Variants in CEP350 observed in about 807,000 individuals in gnomAD.
The protein encoded by CEP350 is centrosome-associated protein 350.
A neutral mutation model predicts 331.8 loss-of-function variants in CEP350; 126 were observed. That is an observed-to-expected ratio of 0.38 (90% CI 0.33 to 0.44). The LOEUF (loss-of-function observed/expected upper bound fraction) is 0.44, where lower values mean the gene tolerates loss of function less well. Ranked by LOEUF, CEP350 falls within the 20% of genes least tolerant of loss-of-function variation. The pLI is 1.00. For missense variants in CEP350, 3,406 were observed against 3,634.6 expected, an observed-to-expected ratio of 0.94 and a Z score of 1.62; for synonymous variants, 1,200 against 1,259.5, an observed-to-expected ratio of 0.95 and a Z score of 1.00.
intron 7 of CEP350, 139 bp from the exon 8 acceptor site, chr1:180,006,315 G>T: frequency 5.1e-6 from 3 of 590,732 alleles, no homozygotes; most frequent in Non-Finnish European, 3.1e-6. Context: ...TATTATGTGG[G>T]CCATAGAAGT....
rs1396962308 is a variant in CEP350, at chr1:180,013,086, G to A, written c.1394-761G>A. Among the ~76,000 whole-genome samples the A allele has an allele frequency of 7.9e-4, 120 of 152,036 alleles. 1 individual carries two copies. Among genetic ancestry groups the A allele is most frequent in the Non-Finnish European group, 1.0e-4 (7 of 67,980 alleles). ...AAAGGAATCATTATATTCTTCATAT[G>A]TTTCTTGCTAACCTTTGCACATTTT... On this transcript the variant is annotated intron_variant, in intron 9 of 37. Transcript: ENST00000367607.
At position 180,043,014 on chromosome 1, in the gene CEP350, C is replaced by T. The variant is rs374010214; in HGVS notation, c.4363-42C>T. Reference sequence around the variant, plus strand: ...GCTCCTTCTCAGTTCTCTGACCTTACGTTTTAATACATTTGCCTTTCTTGT... The same window carrying T: ...GCTCCTTCTCAGTTCTCTGACCTTATGTTTTAATACATTTGCCTTTCTTGT... On this transcript the variant is annotated intron_variant, in intron 19 of 37. Transcript: ENST00000367607. 4.2e-5 allele frequency: 67 copies of T among 1,581,934 alleles called. 1 individual carries two copies. The East Asian group carries it at 6.1e-4, about 14-fold the overall frequency.
At chr1:180,044,476 T>A (rs1571913808) in intron 21 of CEP350, among the ~76,000 whole-genome samples, 2 of 151,960 alleles carry the variant, frequency 1.3e-5, no homozygotes, top group African/African-American at 4.8e-5. Flanking sequence ...CTGAGGCTCA[T>A]GGAGATGTTA....
At position 180,092,896 on chromosome 1, in the gene CEP350, C is replaced by T. The variant is rs1355656993; in HGVS notation, c.6791C>T (p.Thr2264Ile). ...KKSEIKEIEYTKLKKSKIEDA... is the reference protein window; with the variant it reads ...KKSEIKEIEYIKLKKSKIEDA... ...TCAGAAATAAAAGAAATAGAGTATA[C>T]AAAATTGAAGAAGAGTAAGATTGAA... Residue 2264 changes from threonine to isoleucine, a missense_variant, in exon 34 of 38, where the codon ACA (threonine) becomes ATA (isoleucine). Physicochemically the swap from Thr to Ile is moderately conservative, Grantham distance 89. Around this residue, in one of 5 missense-constraint regions of CEP350, gnomAD observed 1,415 missense variants for 1,512.3 expected, o/e 0.94. Transcript: ENST00000367607. 1.3e-6 allele frequency: 2 copies of T among 1,570,928 alleles called. No homozygotes were observed. Among genetic ancestry groups the T allele is most frequent in the Non-Finnish European group, 1.7e-6 (2 of 1,156,626 alleles).
chr1:180,002,445 G>T (rs1404922375), intron 6 of CEP350, among the ~76,000 whole-genome samples: 1 of 152,126 alleles, frequency 6.6e-6, no homozygotes, highest in African/African-American at 2.4e-5. Flanking sequence ...TTGCACTCCA[G>T]CCTGGGTGAC....
At position 179,996,972 on chromosome 1, in the gene CEP350, T is replaced by C. The variant is rs757164837; in HGVS notation, c.815T>C (p.Ile272Thr). The C allele has an allele frequency of 1.2e-6, 2 of 1,614,014 alleles. No individual in the cohort carries two copies. The highest frequency in any genetic ancestry group is 1.7e-6 in the Non-Finnish European group (2 of 1,179,878). The change falls in exon 6 of 38, where the codon ATT (isoleucine) becomes ACT (threonine). Residue 272 changes from isoleucine (I) to threonine (T), a missense_variant. Physicochemically the swap from Ile to Thr is moderately conservative, Grantham distance 89 (BLOSUM62 -1). Transcript: ENST00000367607. ...ACTTCTAATTCCCAAAGATTAGATA[T>C]TCTAAAGCGGCGACAACATGATGTC... ...TSTSNSQRLD[I>T]LKRRQHDVKL... is the part of the protein sequence containing the mutation.
chr1:180,016,386 A>G (rs922848726), intron 11 of CEP350, among the ~76,000 whole-genome samples: 6 of 152,208 alleles, frequency 3.9e-5, no homozygotes, highest in Admixed American at 2.6e-4. Flanking sequence ...ACCTTTGGAT[A>G]TGCTTGTGGA....
chr1:180,092,872 C>A lies in CEP350; in HGVS notation c.6767C>A (p.Ser2256Ter). Residue 2256 changes from serine (S) to a stop codon, truncating the protein, a stop_gained, in exon 34 of 38, where the codon TCA becomes TAA. Coordinates refer to ENST00000367607, the MANE Select transcript of CEP350 (RefSeq NM_014810.5). LOFTEE classifies it high-confidence loss of function. ...AAGGTTGGAGAATCTAGTAAAAAAT[C>A]AGAAATAAAAGAAATAGAGTATACA... ...DGKVGESSKK[S>*]EIKEIEYTKL... 6.4e-7 allele frequency: 1 copy of A among 1,566,814 alleles called. No homozygotes were observed. Among genetic ancestry groups the A allele is most frequent in the South Asian group, 1.2e-5 (1 of 85,286 alleles).
intron 1 of CEP350, among the ~76,000 whole-genome samples, chr1:179,955,579 G>C (rs1650112859): frequency 6.6e-6 from 1 of 152,152 alleles, no homozygotes; most frequent in Non-Finnish European, 1.5e-5. Flanking sequence ...GGAAAACTTT[G>C]ATCTACTCTA....
intron 10 of CEP350, 122 bp from the exon 11 acceptor site, chr1:180,015,727 A>G (rs979913706): frequency 6.5e-6 from 8 of 1,226,880 alleles, no homozygotes; most frequent in Non-Finnish European, 8.7e-6. Context: ...TTGTTTGACA[A>G]AAAAAAACCA....
intron 30 of CEP350, 62 bp downstream of exon 30, chr1:180,080,723 G>C: frequency 6.9e-7 from 1 of 1,451,450 alleles, no homozygotes; most frequent in Admixed American, 1.7e-5. Flanking sequence ...ACTCTAAAAG[G>C]CTTCAAGGAG....
At chr1:180,015,726 A>G in intron 10 of CEP350, 123 bp from the exon 11 acceptor site, 1 of 1,133,888 alleles carries the variant, frequency 8.8e-7, no homozygotes, top group Non-Finnish European at 1.2e-6. Flanking sequence ...TTTGTTTGAC[A>G]AAAAAAAACC....
chr1:180,041,184 A>G lies in CEP350; in HGVS notation c.4157A>G (p.Lys1386Arg). ...HERDLALLKLKAEQEALESQR... is the reference protein window; with the variant it reads ...HERDLALLKLRAEQEALESQR... The stretch of plus-strand genomic sequence containing the variant: ...AGAGACTTGGCCCTCTTGAAACTAA[A>G]GGCTGAACAAGAGGCTCTGGAGAGT... The change falls in exon 18 of 38, where the codon AAG becomes AGG. Residue 1386 changes from lysine to arginine, a missense_variant. Physicochemically the swap from Lys to Arg is conservative, Grantham distance 26. This residue lies in a region of CEP350 where 1,857 missense variants were observed against 1,909.2 expected (regional missense o/e 0.97). Transcript: ENST00000367607. 1 of 1,598,262 alleles carries G rather than the reference A, an allele frequency of 6.3e-7. No individual in the cohort carries two copies. Among genetic ancestry groups the G allele is most frequent in the Non-Finnish European group, 8.5e-7 (1 of 1,172,306 alleles).
intron 4 of CEP350, among the ~76,000 whole-genome samples, chr1:179,991,707 G>GTATATATA (rs756278179): frequency 1.0e-5 from 1 of 96,942 alleles, no homozygotes; most frequent in Non-Finnish European, 2.0e-5. Context: ...GTGTGTGTGT[G>GTATATATA]TATATATATA....
intron 17 of CEP350, among the ~76,000 whole-genome samples, chr1:180,039,610 A>G (rs900022765): frequency 4.0e-4 from 60 of 149,488 alleles, no homozygotes; most frequent in African/African-American, 1.4e-3. Flanking sequence ...CTCATTTTCC[A>G]TTAATCTATT....
intron 22 of CEP350, among the ~76,000 whole-genome samples, chr1:180,049,543 C>CTTTTT (rs34061683): frequency 7.7e-6 from 1 of 130,186 alleles, no homozygotes; most frequent in Non-Finnish European, 1.6e-5. Context: ...TTACTTACAC[C>CTTTTT]TTTTTTTTTT....
At chr1:180,040,188 GAC>G (rs768469856) in intron 17 of CEP350, among the ~76,000 whole-genome samples, 5,387 of 152,076 alleles carry the variant, frequency 0.035, 181 homozygotes, top group African/African-American at 0.072. Flanking sequence ...CAGTCATTGT[GAC>G]AGCAGAAACT....
At chr1:179,990,480 T>C (rs369434488) in intron 3 of CEP350, 27 bp from the exon 4 acceptor site, 48 of 1,172,002 alleles carry the variant, frequency 4.1e-5, no homozygotes, top group Middle Eastern at 2.0e-4. Context: ...AATTAACTTA[T>C]GTCTTATGAT....
At chr1:180,016,118 A>G in intron 11 of CEP350, 148 bp downstream of exon 11, 1 of 856,648 alleles carries the variant, frequency 1.2e-6, no homozygotes, top group Non-Finnish European at 1.8e-6. Context: ...AAATTTAGGC[A>G]TAGTGCACAT....
Sources: allele counts gnomAD v4.1 joint callset (sites outside exome capture counted in the v4.1 genomes callset), GRCh38; gene constraint gnomAD v4.1.1; regional missense constraint gnomAD v4.1.1; transcripts MANE v1.5; gene names NCBI Gene and HGNC (gene_info 2026-07-23, HGNC 2026-07-21).